AP2B1: variants seen among roughly 807,000 people sequenced by gnomAD.
AP2B1 encodes adaptor related protein complex 2 subunit beta 1.
A neutral mutation model predicts 102.0 loss-of-function variants in AP2B1; 23 were observed. The observed-to-expected ratio is 0.23, with a 90% CI of 0.16 to 0.32. The LOEUF (loss-of-function observed/expected upper bound fraction) is 0.32, where lower values mean the gene tolerates loss of function less well. AP2B1 is among the 10% of genes least tolerant of loss of function. The pLI is 1.00. For missense variants in AP2B1, 541 were observed against 1,157.4 expected, an observed-to-expected ratio of 0.47 and a Z score of 7.73; for synonymous variants, 381 against 421.2, an observed-to-expected ratio of 0.90 and a Z score of 1.17.
chr17:35,646,873 C>G (rs150341072), intron 12 of AP2B1, among the ~76,000 whole-genome samples: 1 of 151,964 alleles, frequency 6.6e-6, no homozygotes, highest in Non-Finnish European at 1.5e-5. Context: ...ACTGAGCCAC[C>G]GTGCCTGGCT....
At chr17:35,640,704 A>T (rs2074754022) in intron 11 of AP2B1, among the ~76,000 whole-genome samples, 1 of 152,222 alleles carries the variant, frequency 6.6e-6, no homozygotes, top group East Asian at 1.9e-4. Context: ...AAGTATTTGC[A>T]TGTCTTACAA....
chr17:35,656,274 G>A (rs1409077543), intron 13 of AP2B1, among the ~76,000 whole-genome samples: 1 of 152,010 alleles, frequency 6.6e-6, no homozygotes, highest in Non-Finnish European at 1.5e-5. Flanking sequence ...ACCATAGGGG[G>A]CCAAGGTTCA....
chr17:35,649,961 A>T (rs529877563), intron 12 of AP2B1, among the ~76,000 whole-genome samples: 72 of 151,192 alleles, frequency 4.8e-4, no homozygotes, highest in African/African-American at 1.4e-3. Flanking sequence ...TATTATTATT[A>T]TTTTTTGAGA....
chr17:35,667,027 A>G (rs1165668902), intron 14 of AP2B1, among the ~76,000 whole-genome samples: 1 of 152,216 alleles, frequency 6.6e-6, no homozygotes, highest in Non-Finnish European at 1.5e-5. Context: ...AGGCTGATAT[A>G]CAACAACTTT....
chr17:35,589,924 CTTTTTTTT>C (rs71366465), intron 1 of AP2B1, among the ~76,000 whole-genome samples: 2 of 119,458 alleles, frequency 1.7e-5, no homozygotes, highest in African/African-American at 6.4e-5. Flanking sequence ...TCTGTAACTT[CTTTTTTTT>C]TTTTTTTTTT....
chr17:35,636,261 C>A, intron 9 of AP2B1, 80 bp from the exon 10 acceptor site: 2 of 935,646 alleles, frequency 2.1e-6, no homozygotes, highest in Non-Finnish European at 3.3e-6. Context: ...GATGCACCTG[C>A]ATGTTTCAAA....
chr17:35,710,684 C>A (rs2076428200), intron 20 of AP2B1, among the ~76,000 whole-genome samples: 1 of 152,156 alleles, frequency 6.6e-6, no homozygotes, highest in Non-Finnish European at 1.5e-5. Context: ...TCTTTTATAT[C>A]AATTTTTGGT....
chr17:35,681,150 T>C (rs940967853), intron 17 of AP2B1, among the ~76,000 whole-genome samples: 13 of 152,234 alleles, frequency 8.5e-5, no homozygotes, highest in African/African-American at 2.9e-4. Context: ...CTGGTAGCTA[T>C]TCATTGCCTG....
At chr17:35,684,480 C>A (rs966628507) in intron 18 of AP2B1, among the ~76,000 whole-genome samples, 1 of 152,128 alleles carries the variant, frequency 6.6e-6, no homozygotes, top group African/African-American at 2.4e-5. Flanking sequence ...CATTTAAATA[C>A]CAGCACAGCA....
Position 35,605,477 on chromosome 17 carries a change from C to T in AP2B1, c.144-228C>T, listed in dbSNP as rs559064293. ...GTTGGTCAGGCTAGTCTCAAACTCC[C>T]GACCTCAGGTGATCCGCCTGCCTTG... is the stretch of plus-strand genomic sequence containing the variant. On this transcript the variant is annotated intron_variant, in intron 3 of 21. Transcript: ENST00000610402. Among the ~76,000 whole-genome samples, 6 of 152,204 alleles carry T rather than the reference C, an allele frequency of 3.9e-5. No homozygotes were observed. In the South Asian group the frequency reaches 6.2e-4, roughly 16 times the overall value.
At position 35,601,072 on chromosome 17, in the gene AP2B1, G is replaced by GTAAGTACA. The variant is rs1163514043; in HGVS notation, c.143+2739_143+2746dup. ...AAACGTTTTTGTAAAGGACAAAATAGTAAGTACATCAGGCTGGCATAGTAA... is the reference window on the plus strand; with the variant it reads ...AAACGTTTTTGTAAAGGACAAAATAGTAAGTACATAAGTACATCAGGCTGGCATAGTAA... On this transcript the variant is annotated intron_variant, in intron 3 of 21. Transcript: ENST00000610402. 12 of 882,294 alleles carry GTAAGTACA rather than the reference G, an allele frequency of 1.4e-5. No individual in the cohort carries two copies. The African/African-American group carries it at 2.2e-4, about 16-fold the overall frequency. The allele number at this position is 882,294 out of a possible 1,614,324, so 54.7% of individuals were successfully genotyped here.
intron 14 of AP2B1, among the ~76,000 whole-genome samples, chr17:35,665,932 C>T (rs1425497512): frequency 2.6e-5 from 4 of 152,176 alleles, no homozygotes; most frequent in African/African-American, 4.8e-5. Flanking sequence ...TTCCAGTCCG[C>T]TCAGTGGTTA....
intron 13 of AP2B1, among the ~76,000 whole-genome samples, chr17:35,652,840 T>G (rs2075121849): frequency 6.6e-6 from 1 of 152,236 alleles, no homozygotes; most frequent in African/African-American, 2.4e-5. Context: ...CCATGTGTTC[T>G]GTCACATTTT....
intron 14 of AP2B1, among the ~76,000 whole-genome samples, chr17:35,660,313 A>C (rs2075328549): frequency 6.6e-6 from 1 of 152,072 alleles, no homozygotes; most frequent in Non-Finnish European, 1.5e-5. Context: ...GTCTGGAGTG[A>C]GACCTAGAGT....
chr17:35,682,024 G>T (rs1279636028), intron 17 of AP2B1, among the ~76,000 whole-genome samples: 3 of 152,050 alleles, frequency 2.0e-5, no homozygotes, highest in Non-Finnish European at 2.9e-5. Context: ...GGAGGCCAAG[G>T]TGACCAAATT....
chr17:35,620,831 A>G (rs1159724377), intron 5 of AP2B1, among the ~76,000 whole-genome samples: 1 of 152,032 alleles, frequency 6.6e-6, no homozygotes, highest in African/African-American at 2.4e-5. Context: ...AAAAAAATAC[A>G]ATTTTTTTCT....
At chr17:35,654,126 A>G (rs565812731) in intron 13 of AP2B1, among the ~76,000 whole-genome samples, 1 of 151,948 alleles carries the variant, frequency 6.6e-6, no homozygotes, top group African/African-American at 2.4e-5. Flanking sequence ...CAGTAGCACA[A>G]CCTTGGCTCA....
intron 7 of AP2B1, 144 bp downstream of exon 7, chr17:35,626,986 C>A: frequency 1.3e-6 from 1 of 752,258 alleles, no homozygotes; most frequent in Non-Finnish European, 2.2e-6. Flanking sequence ...GCTTGCCTAG[C>A]ACCAGGAGGC....
At chr17:35,668,602 G>T (rs761656487) in intron 14 of AP2B1, among the ~76,000 whole-genome samples, 10 of 152,048 alleles carry the variant, frequency 6.6e-5, no homozygotes, top group Non-Finnish European at 1.2e-4. Context: ...TTATGAAGGG[G>T]AAATTAAAAA....
Sources: gnomAD v4.1 joint callset for allele counts (sites outside exome capture counted in the v4.1 genomes callset) on GRCh38, gnomAD v4.1.1 for gene constraint, MANE v1.5 for transcripts, NCBI Gene and HGNC (gene_info 2026-07-23, HGNC 2026-07-21) for gene names.